TBK1: variants seen among roughly 807,000 people sequenced by gnomAD.
TBK1 encodes serine/threonine-protein kinase TBK1.
In TBK1, 37 loss-of-function variants were observed where a neutral mutation model predicts 99.9. The observed-to-expected ratio is 0.37, with a 90% CI of 0.28 to 0.49. TBK1 has a LOEUF of 0.49. Among genes scored for constraint, TBK1 ranks in the 20% least tolerant of loss-of-function variants. The pLI is 0.98. For missense variants in TBK1, 644 were observed against 872.5 expected, an observed-to-expected ratio of 0.74 and a Z score of 3.30; for synonymous variants, 258 against 279.8, an observed-to-expected ratio of 0.92 and a Z score of 0.78.
chr12:64,484,195 T>C, intron 8 of TBK1, 108 bp from the exon 9 acceptor site: 1 of 717,062 alleles, frequency 1.4e-6, no homozygotes, highest in Non-Finnish European at 2.3e-6. Flanking sequence ...GGACTGGTTA[T>C]GATATTAGGG....
chr12:64,473,137 AC>A (rs1385758577), intron 5 of TBK1, among the ~76,000 whole-genome samples: 9 of 152,220 alleles, frequency 5.9e-5, no homozygotes, highest in South Asian at 2.1e-4. Context: ...TTAGGAGGAA[AC>A]AAGTTTAAGT....
At chr12:64,484,613 A>T (rs547036222) in intron 9 of TBK1, 114 bp downstream of exon 9, 1 of 1,024,096 alleles carries the variant, frequency 9.8e-7, no homozygotes, top group Non-Finnish European at 1.4e-6. Context: ...TTAGTGGGGC[A>T]TGGTGGCTTG....
At chr12:64,485,806 GTTTA>G in intron 10 of TBK1, 116 bp from the exon 11 acceptor site, 2 of 608,814 alleles carry the variant, frequency 3.3e-6, no homozygotes, top group Non-Finnish European at 5.4e-6. Context: ...GAAATTGGTG[GTTTA>G]TTGTGTTTTT....
intron 4 of TBK1, among the ~76,000 whole-genome samples, chr12:64,466,524 T>A (rs2040606262): frequency 6.6e-6 from 1 of 152,138 alleles, no homozygotes; most frequent in African/African-American, 2.4e-5. Context: ...TGTAAAACTC[T>A]GGTGAAAGAT....
intron 18 of TBK1, 103 bp from the exon 19 acceptor site, chr12:64,497,545 C>T (rs1565824883): frequency 1.3e-6 from 1 of 745,774 alleles, no homozygotes; most frequent in Non-Finnish European, 2.1e-6. Flanking sequence ...TTTTAAAGGA[C>T]TTATTAAAAG....
At chr12:64,461,138 C>T (rs1018221244) in intron 3 of TBK1, among the ~76,000 whole-genome samples, 2 of 149,222 alleles carry the variant, frequency 1.3e-5, no homozygotes, top group Non-Finnish European at 3.0e-5. Flanking sequence ...AGTATTATTA[C>T]TAGAAAAAGA....
chr12:64,495,576 C>A lies in TBK1; in HGVS notation c.1615C>A (p.Gln539Lys), dbSNP rs1297595546. The A allele has an allele frequency of 1.2e-6, 2 of 1,614,038 alleles. No homozygotes were observed. Among genetic ancestry groups the A allele is most frequent in the East Asian group, 4.5e-5 (2 of 44,872 alleles). Residue 539 changes from glutamine to lysine, a missense_variant, in exon 14 of 21, where the codon CAA (glutamine) becomes AAA (lysine). Physicochemically the swap from Gln to Lys is moderately conservative, Grantham distance 53 (BLOSUM62 1). Around this residue, in one of 3 missense-constraint regions of TBK1, gnomAD observed 465 missense variants for 588.0 expected, o/e 0.79. Transcript: ENST00000331710. ...ATCACTGGCAGACGCATGGGCACAT[C>A]AAGAAGGCACTCATCCGAAAGACAG... Reference protein sequence around the residue: ...GGSLADAWAHQEGTHPKDRNV... With the variant: ...GGSLADAWAHKEGTHPKDRNV...
At chr12:64,460,718 C>G (rs978774446) in intron 3 of TBK1, among the ~76,000 whole-genome samples, 12 of 151,206 alleles carry the variant, frequency 7.9e-5, no homozygotes, top group Middle Eastern at 3.4e-3. Context: ...CCTGTAGTTC[C>G]AGCTACTTGG....
At chr12:64,478,673 A>G (rs1353069333) in intron 6 of TBK1, among the ~76,000 whole-genome samples, 4 of 152,168 alleles carry the variant, frequency 2.6e-5, no homozygotes, top group Non-Finnish European at 5.9e-5. Context: ...TGGGAAGAAG[A>G]CACCTATTTA....
chr12:64,469,240 G>A (rs997354850), intron 5 of TBK1, among the ~76,000 whole-genome samples: 4 of 151,896 alleles, frequency 2.6e-5, no homozygotes, highest in East Asian at 1.9e-4. Flanking sequence ...GGACTCAGAC[G>A]TTTCTGGCGA....
At position 64,479,908 on chromosome 12, in the gene TBK1, A is replaced by G. The variant is rs977968903; in HGVS notation, c.702-104A>G. On this transcript the variant is annotated intron_variant, in intron 6 of 20. Transcript: ENST00000331710. ...GAGCATCAATCACAAAGTTTCATCT[A>G]GTAGATAATTGTAGGTGCAATTGAG... 1.5e-5 allele frequency: 10 copies of G among 656,190 alleles called. No individual in the cohort carries two copies. In the East Asian group the frequency reaches 2.5e-4, roughly 17 times the overall value. The allele number at this position is 656,190 out of a possible 1,614,324, so 40.6% of individuals were successfully genotyped here.
chr12:64,453,543 T>C (rs1314666146), intron 1 of TBK1, among the ~76,000 whole-genome samples: 5 of 152,212 alleles, frequency 3.3e-5, no homozygotes, highest in African/African-American at 1.2e-4. Context: ...TATAAAAATA[T>C]CCTACTATAT....
chr12:64,473,872 G>T (rs1481231134), intron 5 of TBK1, among the ~76,000 whole-genome samples: 3 of 152,090 alleles, frequency 2.0e-5, no homozygotes, highest in African/African-American at 7.2e-5. Flanking sequence ...GGGAAGCAGA[G>T]GTTGCAGTGA....
At chr12:64,493,186 G>A (rs750646911) in intron 13 of TBK1, among the ~76,000 whole-genome samples, 7 of 151,986 alleles carry the variant, frequency 4.6e-5, no homozygotes, top group African/African-American at 7.2e-5. Flanking sequence ...GAGCCACTGC[G>A]CCCGGCTTCG....
At chr12:64,492,898 T>G (rs1346363260) in intron 13 of TBK1, among the ~76,000 whole-genome samples, 4 of 85,938 alleles carry the variant, frequency 4.7e-5, no homozygotes, top group Admixed American at 2.2e-4. Context: ...ATTTTGTTTG[T>G]TTTTTTTTTT....
chr12:64,500,119 T>C (rs911616995), intron 20 of TBK1, among the ~76,000 whole-genome samples: 2 of 152,174 alleles, frequency 1.3e-5, no homozygotes, highest in African/African-American at 4.8e-5. Flanking sequence ...CTTGACAATA[T>C]ATAGGTGATA....
intron 3 of TBK1, among the ~76,000 whole-genome samples, chr12:64,462,900 G>A (rs933432978): frequency 1.3e-5 from 2 of 152,128 alleles, no homozygotes; most frequent in African/African-American, 4.8e-5. Context: ...AAACAAATCA[G>A]CATCTCAGAT....
intron 20 of TBK1, 108 bp downstream of exon 20, chr12:64,498,147 A>T: frequency 1.1e-6 from 1 of 911,788 alleles, no homozygotes; most frequent in Non-Finnish European, 1.7e-6. Context: ...AAAGGGTCAT[A>T]AAGTCAGAAC....
intron 5 of TBK1, among the ~76,000 whole-genome samples, chr12:64,470,767 A>G (rs777528233): frequency 2.0e-5 from 3 of 152,162 alleles, no homozygotes; most frequent in Admixed American, 6.6e-5. Context: ...AATCACTGTA[A>G]CAAGCAAACA....
Sources: allele counts gnomAD v4.1 joint callset (sites outside exome capture counted in the v4.1 genomes callset), GRCh38; gene constraint gnomAD v4.1.1; regional missense constraint gnomAD v4.1.1; transcripts MANE v1.5; gene names NCBI Gene and HGNC (gene_info 2026-07-23, HGNC 2026-07-21).